The following SHISA9 variants were observed in gnomAD, a reference collection of about 807,000 sequenced individuals.
The protein encoded by SHISA9 is shisa family member 9, also known as protein shisa-9.
SHISA9 carries 13 observed loss-of-function variants against 38.0 expected under a neutral mutation model. The ratio of observed to expected loss-of-function variants is 0.34; its 90% CI spans 0.22 to 0.54. The LOEUF (loss-of-function observed/expected upper bound fraction) is 0.54, where lower values mean the gene tolerates loss of function less well. SHISA9 is among the 20% of genes least tolerant of loss of function. The probability of loss-of-function intolerance (pLI) is 0.91; values close to 1 mark genes in which losing one functional copy is unlikely to be tolerated. For missense variants in SHISA9, 538 were observed against 575.8 expected, an observed-to-expected ratio of 0.93 and a Z score of 0.67; for synonymous variants, 275 against 242.0, an observed-to-expected ratio of 1.14 and a Z score of -1.27.
the SHISA9 span, among the ~76,000 whole-genome samples, chr16:13,269,158 G>T: frequency 5.3e-5 from 8 of 152,326 alleles, no homozygotes; most frequent in African/African-American, 1.9e-4. Flanking sequence ...CTTTGAGAGA[G>T]AATAAGCTTG....
intron 2 of SHISA9, among the ~76,000 whole-genome samples, chr16:13,058,639 T>A (rs1206772075): frequency 6.6e-6 from 1 of 152,150 alleles, no homozygotes; most frequent in African/African-American, 2.4e-5. Context: ...CCAAGCCCAA[T>A]GTAAGGGAAA....
At chr16:13,453,992 C>T in the SHISA9 span, among the ~76,000 whole-genome samples, 4 of 152,182 alleles carry the variant, frequency 2.6e-5, no homozygotes, top group African/African-American at 9.7e-5. Context: ...ATAATACCCT[C>T]ATCTCATATG....
intron 2 of SHISA9, among the ~76,000 whole-genome samples, chr16:13,137,120 G>T (rs1448142511): frequency 6.6e-6 from 1 of 152,180 alleles, no homozygotes; most frequent in Non-Finnish European, 1.5e-5. Context: ...GTCTCAGCTT[G>T]TGAGAAGTCA....
chr16:13,235,562 C>A lies in SHISA9; in HGVS notation c.*153C>A. ...TCTAAACCTACTGGGGACACAGAGT[C>A]GCGCTTTTCCTAGGTCATGCCTGTA... On this transcript the variant is annotated 3_prime_UTR_variant, in exon 5 of 5. Transcript: ENST00000558583. The A allele has an allele frequency of 9.9e-7, 1 of 1,007,942 alleles. No homozygotes were observed. The highest frequency in any genetic ancestry group is 1.4e-6 in the Non-Finnish European group (1 of 711,858). The allele number at this position is 1,007,942 out of a possible 1,614,324, so 62.4% of individuals were successfully genotyped here.
At chr16:13,023,026 A>AT (rs1167602529) in intron 2 of SHISA9, among the ~76,000 whole-genome samples, 1 of 142,950 alleles carries the variant, frequency 7.0e-6, no homozygotes, top group African/African-American at 2.5e-5. Context: ...TTATTTATTT[A>AT]TTTTTTATTA....
chr16:12,950,001 A>G (rs2071734077), intron 2 of SHISA9, among the ~76,000 whole-genome samples: 1 of 152,146 alleles, frequency 6.6e-6, no homozygotes, highest in Non-Finnish European at 1.5e-5. Flanking sequence ...CCATTAACCA[A>G]CTTTTCCCCA....
At chr16:12,935,429 C>T (rs973937654) in intron 2 of SHISA9, among the ~76,000 whole-genome samples, 1 of 152,156 alleles carries the variant, frequency 6.6e-6, no homozygotes, top group African/African-American at 2.4e-5. Flanking sequence ...TGCTCCTTAT[C>T]TGTGGGCGTG....
chr16:13,258,812 A>G, the SHISA9 span, among the ~76,000 whole-genome samples: 5 of 152,172 alleles, frequency 3.3e-5, no homozygotes, highest in Non-Finnish European at 5.9e-5. Flanking sequence ...CCATGATTCA[A>G]TTACCTCCCT....
At chr16:13,085,631 G>A (rs903276596) in intron 2 of SHISA9, among the ~76,000 whole-genome samples, 1 of 152,204 alleles carries the variant, frequency 6.6e-6, no homozygotes, top group East Asian at 1.9e-4. Context: ...AAAAGGTCAA[G>A]TCTACGTTAT....
At chr16:13,413,422 C>T in the SHISA9 span, among the ~76,000 whole-genome samples, 1 of 152,084 alleles carries the variant, frequency 6.6e-6, no homozygotes, top group Non-Finnish European at 1.5e-5. Flanking sequence ...ATGGGTTGTA[C>T]AGTGAATGGA....
chr16:13,350,680 C>G, the SHISA9 span: 1 of 152,140 alleles, frequency 6.6e-6, no homozygotes, highest in East Asian at 1.9e-4. Context: ...TCCAGTTGTG[C>G]CTTTTTGCCT....
At chr16:13,105,819 G>A (rs1056552692) in intron 2 of SHISA9, among the ~76,000 whole-genome samples, 1 of 152,152 alleles carries the variant, frequency 6.6e-6, no homozygotes, top group Non-Finnish European at 1.5e-5. Flanking sequence ...TGCCTGGCCG[G>A]GGTACAGAGC....
the SHISA9 span, among the ~76,000 whole-genome samples, chr16:13,312,872 G>A: frequency 1.7e-4 from 26 of 152,216 alleles, no homozygotes; most frequent in East Asian, 5.0e-3. Context: ...ATAAAAATTA[G>A]CAAAACCAAC....
chr16:13,228,331 C>T (rs901527940), intron 4 of SHISA9, among the ~76,000 whole-genome samples: 5 of 152,202 alleles, frequency 3.3e-5, no homozygotes, highest in Admixed American at 6.5e-5. Context: ...ACTGTTTCCT[C>T]TTAATGGGAT....
chr16:13,041,513 T>G (rs1299606930), intron 2 of SHISA9, among the ~76,000 whole-genome samples: 3 of 152,218 alleles, frequency 2.0e-5, no homozygotes, highest in Non-Finnish European at 4.4e-5. Context: ...TAGACTGCTT[T>G]CTATTCCTAC....
intron 2 of SHISA9, among the ~76,000 whole-genome samples, chr16:13,145,448 AC>A (rs1256165759): frequency 6.6e-6 from 1 of 151,928 alleles, no homozygotes; most frequent in Non-Finnish European, 1.5e-5. Flanking sequence ...AATTGCTTGA[AC>A]CCGGGAGGCG....
At chr16:12,943,773 A>G (rs2071653968) in intron 2 of SHISA9, among the ~76,000 whole-genome samples, 1 of 152,144 alleles carries the variant, frequency 6.6e-6, no homozygotes, top group Non-Finnish European at 1.5e-5. Context: ...CTCCATTTGT[A>G]GATATTGATG....
chr16:13,347,345 G>T, the SHISA9 span, among the ~76,000 whole-genome samples: 1 of 152,132 alleles, frequency 6.6e-6, no homozygotes, highest in East Asian at 1.9e-4. Flanking sequence ...ACCTCGTTTG[G>T]GCACTCAGAT....
At chr16:12,935,982 C>G (rs546788868) in intron 2 of SHISA9, among the ~76,000 whole-genome samples, 4 of 152,114 alleles carry the variant, frequency 2.6e-5, no homozygotes, top group East Asian at 1.9e-4. Flanking sequence ...AAGGAACTAG[C>G]CTTACTTGAA....
Sources: allele counts gnomAD v4.1 joint callset (sites outside exome capture counted in the v4.1 genomes callset), GRCh38; gene constraint gnomAD v4.1.1; transcripts MANE v1.5; gene names NCBI Gene and HGNC (gene_info 2026-07-23, HGNC 2026-07-21).